Variants in MIB2 observed in about 807,000 individuals in gnomAD.
The protein encoded by MIB2 is E3 ubiquitin-protein ligase MIB2.
Under a neutral mutation model 96.6 loss-of-function variants are expected in MIB2, and 78 were observed. That is an observed-to-expected ratio of 0.81 (90% confidence interval 0.67 to 0.97). The LOEUF is 0.97. Among genes scored for constraint, MIB2 ranks in the 50% least tolerant of loss-of-function variants. MIB2 has a pLI of 0.00. For missense variants in MIB2, 1,543 were observed against 1,424.0 expected (o/e 1.08, Z -1.35); for synonymous variants, 820 against 629.5 (o/e 1.30, Z -4.53).
chr1:1,628,492 C>A lies in MIB2; in HGVS notation c.1972C>A (p.Arg658Ser), dbSNP rs371873507. Residue 658 changes from arginine (R) to serine (S), a missense_variant, in exon 16 of 20, where the codon CGC becomes AGC. Coordinates refer to ENST00000355826, the MANE Select transcript of MIB2 (RefSeq NM_001170687.4). ...EVAQILIREGRCDVNVRNRKL... is the reference protein window; with the variant it reads ...EVAQILIREGSCDVNVRNRKL... Reference sequence around the variant, plus strand: ...GCCCGTCCCCACCCCTCCCCAGGGCCGCTGTGACGTGAACGTGCGCAACCG... The same window carrying A: ...GCCCGTCCCCACCCCTCCCCAGGGCAGCTGTGACGTGAACGTGCGCAACCG... 6.3e-7 allele frequency: 1 copy of A among 1,597,774 alleles called. No homozygotes were observed. Among genetic ancestry groups the A allele is most frequent in the East Asian group, 2.2e-5 (1 of 44,514 alleles).
Position 1,629,693 on chromosome 1 carries a change from A to AACTGCGCCCAGGTGGGTGAGGC in MIB2, c.2619_2629+11dup. 6.3e-7 allele frequency: 1 copy of AACTGCGCCCAGGTGGGTGAGGC among 1,596,728 alleles called. No homozygotes were observed. ...AGGTGCCAGGTGGTCGTCAGCAAGAAACTGCGCCCAGGTGGGTGAGGCTCT... is the reference window on the plus strand; with the variant it reads ...AGGTGCCAGGTGGTCGTCAGCAAGAAACTGCGCCCAGGTGGGTGAGGCACTGCGCCCAGGTGGGTGAGGCTCT... On this transcript the variant is annotated stop_gained and frameshift_variant, in exon 19 of 20. Transcript: ENST00000355826. LOFTEE classifies it high-confidence loss of function.
rs552788474 is a variant in MIB2, at chr1:1,628,008, C to T, written c.1681-11C>T. The stretch of plus-strand genomic sequence containing the variant: ...GTCACCCCCAGGTGACCACTGACTC[C>T]GCCCCAGCAGGACGCCCACTCGGAC... On this transcript the variant is annotated splice_polypyrimidine_tract_variant and intron_variant, in intron 13 of 19. Transcript: ENST00000355826. 7.3e-5 allele frequency: 117 copies of T among 1,612,012 alleles called. No homozygotes were observed. The highest frequency in any genetic ancestry group is 5.7e-4 in the South Asian group (52 of 91,046).
At position 1,626,920 on chromosome 1, in the gene MIB2, C is replaced by A. The variant is rs1403796793; in HGVS notation, c.1161C>A (p.Phe387Leu). The change falls in exon 10 of 20, where the codon TTC (phenylalanine) becomes TTA (leucine). Residue 387 changes from phenylalanine (F) to leucine (L), a missense_variant. Phe to Leu is a conservative substitution (Grantham distance 22, BLOSUM62 0). Coordinates refer to ENST00000355826, the MANE Select transcript of MIB2 (RefSeq NM_001170687.4). The surrounding 1 kb of genome is among the most constrained non-coding windows in gnomAD (Gnocchi z 5.3). ...CAGTCGCTGGTCAGCGGTGGACCTT[C>A]AGCCCCTCCTGCCTGGTGGCCTACC... ...RVAVAGQRWT[F>L]SPSCLVAYRP... 1 of 1,609,760 alleles carries A rather than the reference C, an allele frequency of 6.2e-7. No individual in the cohort carries two copies. The highest frequency in any genetic ancestry group is 8.5e-7 in the Non-Finnish European group (1 of 1,179,516).
At chr1:1,619,828 C>A (rs929706544) in intron 2 of MIB2, among the ~76,000 whole-genome samples, 1 of 152,218 alleles carries the variant, frequency 6.6e-6, no homozygotes, top group African/African-American at 2.4e-5. Context: ...TGTGCCCCAA[C>A]TCAGGTGGGC....
At chr1:1,621,192 G>A (rs1483015351) in intron 2 of MIB2, among the ~76,000 whole-genome samples, 1 of 152,238 alleles carries the variant, frequency 6.6e-6, no homozygotes, top group African/African-American at 2.4e-5. Context: ...GAGGCCCCGC[G>A]AGGGGAATAG....
At chr1:1,621,510 G>A (rs921991465) in intron 2 of MIB2, among the ~76,000 whole-genome samples, 20 of 144,620 alleles carry the variant, frequency 1.4e-4, no homozygotes, top group African/African-American at 2.8e-4. Context: ...TCTCGGCAGC[G>A]TCACCCGACA....
rs1643749525 is a variant in MIB2 at position 1,616,750 on chromosome 1, G to A, written c.-23+136G>A. 6 of 670,184 alleles carry A rather than the reference G, an allele frequency of 9.0e-6. No homozygotes were observed. The Admixed American group carries it at 1.3e-4, about 15-fold the overall frequency. The allele number at this position is 670,184 out of a possible 1,614,324, so 41.5% of individuals were successfully genotyped here. ...GTGGAGGGGAGTGGTGAGTAATCCC[G>A]CGTCTCCTCTCTGAGTTCGGAACCC... On this transcript the variant is annotated intron_variant, in intron 2 of 19. Coordinates refer to ENST00000355826, the MANE Select transcript of MIB2 (RefSeq NM_001170687.4).
rs769422180 is a variant in MIB2, at chr1:1,628,141, C to T, written c.1803C>T (p.Phe601=). The T allele has an allele frequency of 3.1e-6, 5 of 1,613,422 alleles. No homozygotes were observed. In the Admixed American group the frequency reaches 6.7e-5, roughly 22 times the overall value. ...IDVTATNSQG[F]TLLHHASLKG... Reference sequence around the variant, plus strand: ...TTACCGCCACCAACAGCCAGGGTTTCACCCTGCTGCACCATGCCTCCCTCA... The same window carrying T: ...TTACCGCCACCAACAGCCAGGGTTTTACCCTGCTGCACCATGCCTCCCTCA... The change falls in exon 14 of 20, where the codon TTC becomes TTT. Residue 601 remains phenylalanine (F), a synonymous_variant. Transcript: ENST00000355826.
At position 1,623,874 on chromosome 1, in the gene MIB2, G is replaced by T; in HGVS notation, c.348G>T (p.Thr116=). ...TGTGCCTGGACTACGACCTCTGCACGCAGTGCTACATGCACAACAAGCATG... is the reference window on the plus strand; with the variant it reads ...TGTGCCTGGACTACGACCTCTGCACTCAGTGCTACATGCACAACAAGCATG... ...CRVCLDYDLC[T]QCYMHNKHEL... Residue 116 remains threonine (T), a synonymous_variant, in exon 4 of 20, where the codon ACG becomes ACT. Transcript: ENST00000355826. 1 of 1,611,938 alleles carries T rather than the reference G, an allele frequency of 6.2e-7. No homozygotes were observed. The highest frequency in any genetic ancestry group is 8.5e-7 in the Non-Finnish European group (1 of 1,179,526).
Position 1,626,947 on chromosome 1 carries a change from G to A in MIB2, c.1188G>A (p.Arg396=), listed in dbSNP as rs755767987. 3.7e-6 allele frequency: 6 copies of A among 1,610,970 alleles called. No homozygotes were observed. In the African/African-American group the frequency reaches 6.7e-5, roughly 18 times the overall value. The change falls in exon 10 of 20, where the codon CGG becomes CGA. Residue 396 remains arginine, a synonymous_variant. Coordinates refer to ENST00000355826, the MANE Select transcript of MIB2 (RefSeq NM_001170687.4). This position sits in a 1 kb window ranked among gnomAD's most constrained non-coding sequence, Gnocchi z 5.3. ...GCCCCTCCTGCCTGGTGGCCTACCG[G>A]CCCGAGGAGGATGCCAACCTGGACG... The part of the protein sequence containing the change: ...TFSPSCLVAY[R]PEEDANLDVA...
rs1644741895 is a variant in MIB2 at position 1,626,174 on chromosome 1, G to C, written c.973-476G>C. ...GCGTCAGAGCTCAGCTCTGGATCTG[G>C]GGTCCTGGATACCAGGCACCTTTGA... On this transcript the variant is annotated intron_variant, in intron 8 of 19. Transcript: ENST00000355826. This position sits in a 1 kb window ranked among gnomAD's most constrained non-coding sequence, Gnocchi z 5.3. 1 of 196,582 alleles carries C rather than the reference G, an allele frequency of 5.1e-6. No homozygotes were observed. The highest frequency in any genetic ancestry group is 1.0e-5 in the Non-Finnish European group (1 of 96,218). 12.2% of individuals were successfully genotyped at this position (196,582 alleles called of 1,614,324 possible). A position where few individuals can be genotyped will look rare whatever the true frequency, so the allele number is the denominator to read the frequency against.
intron 5 of MIB2, 29 bp downstream of exon 5, chr1:1,624,930 G>C (rs780546608): frequency 6.2e-7 from 1 of 1,609,254 alleles, no homozygotes; most frequent in South Asian, 1.1e-5. Context: ...GCGGGGTCAG[G>C]GCTGGGCTGT....
At chr1:1,615,497 C>A (rs1046631657), upstream of MIB2, 11 of 1,527,504 alleles carry the variant, frequency 7.2e-6, no homozygotes, top group African/African-American at 1.5e-4. Flanking sequence ...GCCCTGGGCT[C>A]CCGCCCTTCG....
Position 1,626,770 on chromosome 1 carries a change from A to T in MIB2, c.1077+16A>T. 1 of 1,453,688 alleles carries T rather than the reference A, an allele frequency of 6.9e-7. No homozygotes were observed. The highest frequency in any genetic ancestry group is 1.6e-5 in the African/African-American group (1 of 62,536). The allele number at this position is 1,453,688 out of a possible 1,614,324, so 90.0% of individuals were successfully genotyped here. On this transcript the variant is annotated intron_variant, in intron 9 of 19. Transcript: ENST00000355826. This position sits in a 1 kb window ranked among gnomAD's most constrained non-coding sequence, Gnocchi z 5.3. ...CATGGCCCCTGTGAGTCCCCCTGCCACCCCCGCCGCTAGCGCCGCTGCCCC... is the reference window on the plus strand; with the variant it reads ...CATGGCCCCTGTGAGTCCCCCTGCCTCCCCCGCCGCTAGCGCCGCTGCCCC...
rs1351338284 is a variant in MIB2 at position 1,627,276 on chromosome 1, C to T, written c.1375-20C>T. 5 of 1,613,072 alleles carry T rather than the reference C, an allele frequency of 3.1e-6. No homozygotes were observed. The highest frequency in any genetic ancestry group is 2.2e-5 in the South Asian group (2 of 91,088). On this transcript the variant is annotated intron_variant, in intron 11 of 19. Coordinates refer to ENST00000355826, the MANE Select transcript of MIB2 (RefSeq NM_001170687.4). ...TGAGGGGCAGAGGGCCAGGGACTCA[C>T]CTGCTGGCACTCTTGGCAGGTGGAC...
At chr1:1,627,853 G>A in intron 13 of MIB2, 24 bp downstream of exon 13, 1 of 1,590,324 alleles carries the variant, frequency 6.3e-7, no homozygotes, top group Non-Finnish European at 8.5e-7. Context: ...CCTGGCCTGG[G>A]TGCCCCCTGC....
In MIB2 at chr1:1,623,630, A is replaced by C; in HGVS notation, c.178A>C (p.Thr60Pro). The C allele has an allele frequency of 6.8e-7, 1 of 1,480,762 alleles. No individual in the cohort carries two copies. The highest frequency in any genetic ancestry group is 1.4e-5 in the African/African-American group (1 of 71,302). 91.7% of individuals were successfully genotyped at this position (1,480,762 alleles called of 1,614,324 possible). A position where few individuals can be genotyped will look rare whatever the true frequency, so the allele number is the denominator to read the frequency against. ...RTVVVQWDQG[T>P]RTNYRAGYQG... ...AGTGGTCGTGCAGTGGGACCAGGGCACGCGCACCAACTACCGCGCCGGCTA... is the reference window on the plus strand; with the variant it reads ...AGTGGTCGTGCAGTGGGACCAGGGCCCGCGCACCAACTACCGCGCCGGCTA... Residue 60 changes from threonine (T) to proline (P), a missense_variant, in exon 3 of 20, where the codon ACG (threonine) becomes CCG (proline). By Grantham distance (38) the Thr-to-Pro change is conservative (BLOSUM62 -1). Coordinates refer to ENST00000355826, the MANE Select transcript of MIB2 (RefSeq NM_001170687.4).
chr1:1,617,573 T>G (rs543251633), intron 2 of MIB2: 1 of 152,364 alleles, frequency 6.6e-6, no homozygotes, highest in Non-Finnish European at 1.5e-5. Flanking sequence ...CCTGGCTTGC[T>G]GGCTGCCCGT....
intron 5 of MIB2, 28 bp downstream of exon 5, chr1:1,624,929 G>T: frequency 1.2e-6 from 2 of 1,609,166 alleles, no homozygotes; most frequent in Non-Finnish European, 8.5e-7. Context: ...GGCGGGGTCA[G>T]GGCTGGGCTG....
Sources: allele counts gnomAD v4.1 joint callset (sites outside exome capture counted in the v4.1 genomes callset), GRCh38; gene constraint gnomAD v4.1.1; non-coding constraint Gnocchi (gnomAD v3.1); transcripts MANE v1.5; gene names NCBI Gene and HGNC (gene_info 2026-07-23, HGNC 2026-07-21).